Variants in PIK3CB observed in about 807,000 individuals in gnomAD.
PIK3CB encodes phosphatidylinositol 4,5-bisphosphate 3-kinase catalytic subunit beta isoform.
Under a neutral mutation model 136.8 loss-of-function variants are expected in PIK3CB, and 39 were observed. The observed-to-expected ratio is 0.29, with a 90% CI of 0.22 to 0.37. The LOEUF is 0.37. PIK3CB is among the 10% of genes least tolerant of loss of function. PIK3CB has a pLI of 1.00. For missense variants in PIK3CB, 868 were observed against 1,275.4 expected (o/e 0.68, Z 4.87); for synonymous variants, 428 against 436.6 (o/e 0.98, Z 0.25).
At chr3:138,779,398 T>TA (rs2045898645) in intron 2 of PIK3CB, among the ~76,000 whole-genome samples, 1 of 147,682 alleles carries the variant, frequency 6.8e-6, no homozygotes, top group Non-Finnish European at 1.5e-5. Context: ...CTTTTTTTTT[T>TA]TTTTTTTTTT....
chr3:138,675,930 A>C (rs572278083), intron 19 of PIK3CB, among the ~76,000 whole-genome samples: 1 of 152,352 alleles, frequency 6.6e-6, no homozygotes, highest in Non-Finnish European at 1.5e-5. Context: ...ATGAAGAAAG[A>C]ATAATCTTTT....
chr3:138,795,658 T>C (rs1202519831), intron 2 of PIK3CB, among the ~76,000 whole-genome samples: 1 of 152,082 alleles, frequency 6.6e-6, no homozygotes, highest in African/African-American at 2.4e-5. Context: ...TAATTGGGCA[T>C]TAATTGATCT....
chr3:138,727,855 T>C (rs758916841), intron 8 of PIK3CB, among the ~76,000 whole-genome samples: 23 of 152,264 alleles, frequency 1.5e-4, no homozygotes, highest in Middle Eastern at 3.4e-3. Context: ...TTTTTTTGTT[T>C]TGTTTTGTTT....
intron 2 of PIK3CB, chr3:138,777,985 C>A: frequency 2.6e-6 from 1 of 389,420 alleles, no homozygotes; most frequent in Non-Finnish European, 5.1e-6. Context: ...CTACCCATGG[C>A]AAATTCCGTG....
intron 4 of PIK3CB, among the ~76,000 whole-genome samples, chr3:138,748,726 C>T (rs564435541): frequency 4.2e-4 from 64 of 152,114 alleles, no homozygotes; most frequent in African/African-American, 1.5e-3. Context: ...AGGTAAAATC[C>T]CTTTTCTGAA....
intron 2 of PIK3CB, among the ~76,000 whole-genome samples, chr3:138,768,048 T>A (rs1269398408): frequency 6.6e-6 from 1 of 152,186 alleles, no homozygotes; most frequent in East Asian, 1.9e-4. Context: ...AAAGAGGAGC[T>A]TTACTGAGTG....
At chr3:138,683,308 C>T (rs142886390) in intron 18 of PIK3CB, among the ~76,000 whole-genome samples, 22 of 147,590 alleles carry the variant, frequency 1.5e-4, no homozygotes, top group South Asian at 4.3e-4. Flanking sequence ...GAGCCAAGAT[C>T]GTGCCATTGC....
chr3:138,770,399 T>C (rs2045784301), intron 2 of PIK3CB: 3 of 151,980 alleles, frequency 2.0e-5, no homozygotes, highest in Non-Finnish European at 2.9e-5. Flanking sequence ...ACCAAAATCA[T>C]AGGAGATATT....
At chr3:138,693,962 TATATTATATATA>T (rs1425150822) in intron 14 of PIK3CB, among the ~76,000 whole-genome samples, 2 of 35,292 alleles carry the variant, frequency 5.7e-5, no homozygotes, top group African/African-American at 3.4e-4. Context: ...TATATATATA[TATATTATATATA>T]TATATATATA....
chr3:138,775,092 T>C (rs1255449588), intron 2 of PIK3CB, among the ~76,000 whole-genome samples: 1 of 152,210 alleles, frequency 6.6e-6, no homozygotes, highest in Admixed American at 6.5e-5. Flanking sequence ...CACTATGGAC[T>C]GTAAATTGAG....
rs557434921 is a variant in PIK3CB, at chr3:138,653,176, T to C, written c.*2213A>G. On this transcript the variant is annotated 3_prime_UTR_variant, in exon 24 of 24. Coordinates refer to ENST00000674063, the MANE Select transcript of PIK3CB (RefSeq NM_006219.3). Reference sequence around the variant, plus strand: ...TGTCAATTTGTCTCAACCTTGTCTATAGCTTAATGCAATTTGATTCAAAAT... The same window carrying C: ...TGTCAATTTGTCTCAACCTTGTCTACAGCTTAATGCAATTTGATTCAAAAT... 5 of 180,808 alleles carry C rather than the reference T, an allele frequency of 2.8e-5. No homozygotes were observed. Among genetic ancestry groups the C allele is most frequent in the South Asian group, 2.0e-4 (1 of 5,070 alleles). The allele number at this position is 180,808 out of a possible 1,614,324, so 11.2% of individuals were successfully genotyped here. A position where few individuals can be genotyped will look rare whatever the true frequency, so the allele number is the denominator to read the frequency against.
At chr3:138,740,522 T>C (rs1040391010) in intron 5 of PIK3CB, among the ~76,000 whole-genome samples, 1 of 152,208 alleles carries the variant, frequency 6.6e-6, no homozygotes, top group African/African-American at 2.4e-5. Flanking sequence ...AGGAATCATT[T>C]TGAGAAGTCG....
intron 1 of PIK3CB, among the ~76,000 whole-genome samples, chr3:138,821,661 T>C (rs1559891901): frequency 6.6e-6 from 1 of 152,136 alleles, no homozygotes; most frequent in East Asian, 1.9e-4. Context: ...GGCAGGCACC[T>C]GTAATTCCAG....
At chr3:138,738,912 C>T (rs570227187) in intron 5 of PIK3CB, among the ~76,000 whole-genome samples, 1 of 152,316 alleles carries the variant, frequency 6.6e-6, no homozygotes, top group Middle Eastern at 3.4e-3. Flanking sequence ...AGATGTCTTA[C>T]ATTCAAACTT....
At chr3:138,826,900 T>A (rs1010438459) in intron 1 of PIK3CB, among the ~76,000 whole-genome samples, 3 of 151,956 alleles carry the variant, frequency 2.0e-5, no homozygotes, top group African/African-American at 7.2e-5. Context: ...AAAAACCCCG[T>A]CTCTACTAAA....
rs116679777 is a variant in PIK3CB, at chr3:138,704,342, A to T, written c.1581+101T>A. On this transcript the variant is annotated intron_variant, in intron 12 of 23. Transcript: ENST00000674063. Reference sequence around the variant, plus strand: ...CCACACTCACAGACTGTTCTTGCATATGAGTTACGGTCTTCTGTGAGTTCA... The same window carrying T: ...CCACACTCACAGACTGTTCTTGCATTTGAGTTACGGTCTTCTGTGAGTTCA... The T allele has an allele frequency of 1.5e-3, 1,221 of 830,680 alleles. 5 individuals carry two copies. In the African/African-American group the frequency reaches 0.018, roughly 12 times the overall value. 51.5% of individuals were successfully genotyped at this position (830,680 alleles called of 1,614,324 possible).
intron 19 of PIK3CB, among the ~76,000 whole-genome samples, chr3:138,679,936 TA>T (rs61222749): frequency 0.62 from 68,846 of 110,812 alleles, 18,933 homozygotes; most frequent in East Asian, 0.97. Context: ...AACACAAAAG[TA>T]AAAAAAAAAA....
At chr3:138,792,452 C>T (rs2046063136) in intron 2 of PIK3CB, among the ~76,000 whole-genome samples, 1 of 152,126 alleles carries the variant, frequency 6.6e-6, no homozygotes, top group South Asian at 2.1e-4. Flanking sequence ...GGGCTCACTG[C>T]AGCCTCGACC....
At chr3:138,809,374 G>T (rs547567595) in intron 1 of PIK3CB, among the ~76,000 whole-genome samples, 1 of 151,984 alleles carries the variant, frequency 6.6e-6, no homozygotes, top group African/African-American at 2.4e-5. Context: ...GGGAGGCCGA[G>T]GCGGGCGGAT....
Sources: gnomAD v4.1 joint callset for allele counts (sites outside exome capture counted in the v4.1 genomes callset) on GRCh38, gnomAD v4.1.1 for gene constraint, MANE v1.5 for transcripts, NCBI Gene and HGNC (gene_info 2026-07-23, HGNC 2026-07-21) for gene names.